CDC42SE1: variants seen among roughly 807,000 people sequenced by gnomAD.
CDC42SE1 encodes CDC42 small effector 1.
A neutral mutation model predicts 10.9 loss-of-function variants in CDC42SE1; 10 were observed. The ratio of observed to expected loss-of-function variants is 0.92; its 90% CI spans 0.57 to 1.56. The LOEUF is 1.56. Among genes scored for constraint, CDC42SE1 ranks in the 40% most tolerant of loss-of-function variants. The pLI, the probability that CDC42SE1 is intolerant of heterozygous loss-of-function variation, is 0.00. For missense variants in CDC42SE1, 81 were observed against 100.8 expected, an observed-to-expected ratio of 0.80 and a Z score of 0.84; for synonymous variants, 24 against 32.0, an observed-to-expected ratio of 0.75 and a Z score of 0.85.
intron 1 of CDC42SE1, chr1:151,056,624 G>GC (rs1676282745): frequency 5.0e-5 from 3 of 59,640 alleles, no homozygotes; most frequent in Non-Finnish European, 7.9e-5. Flanking sequence ...CCTCCCAGAA[G>GC]CCAGTCAGCA....
In CDC42SE1 at chr1:151,057,696, AACACACACACACACACACACAC is replaced by A. The variant is rs57815937; in HGVS notation, c.-263-1725_-263-1704del. ...GGACAAGACCCTGTCTCAAATACAA[AACACACACACACACACACACAC>A]ACACACACACACACACACACAGAGG... is the stretch of plus-strand genomic sequence containing the variant. On this transcript the variant is annotated intron_variant, in intron 1 of 4. Transcript: ENST00000357235. This position sits in a 1 kb window ranked among gnomAD's most constrained non-coding sequence, Gnocchi z 4.0. The A allele has an allele frequency of 2.2e-5, 3 of 138,492 alleles. No individual in the cohort carries two copies. Among genetic ancestry groups the A allele is most frequent in the South Asian group, 2.2e-4 (1 of 4,448 alleles). 8.6% of individuals were successfully genotyped at this position (138,492 alleles called of 1,614,324 possible).
Position 151,055,056 on chromosome 1 carries a change from A to C in CDC42SE1, c.125T>G (p.Ile42Ser), listed in dbSNP as rs374961798. ...TCCGGCCCCCATCTCCCCTGAGCCA[A>C]TGTGAGTCAGGTGAACAAAATTCAT... Reference protein sequence around the residue: ...EPMNFVHLTHIGSGEMGAGDG... With the variant: ...EPMNFVHLTHSGSGEMGAGDG... Residue 42 changes from isoleucine (I) to serine (S), a missense_variant, in exon 3 of 5, where the codon ATT becomes AGT. By Grantham distance (142) the Ile-to-Ser change is moderately radical. Coordinates refer to ENST00000357235, the MANE Select transcript of CDC42SE1 (RefSeq NM_020239.4). 6.2e-7 allele frequency: 1 copy of C among 1,613,830 alleles called. No individual in the cohort carries two copies. Among genetic ancestry groups the C allele is most frequent in the Non-Finnish European group, 8.5e-7 (1 of 1,179,942 alleles).
chr1:151,055,835 C>A lies in CDC42SE1; in HGVS notation c.-105G>T. 1 of 926,254 alleles carries A rather than the reference C, an allele frequency of 1.1e-6. No homozygotes were observed. 57.4% of individuals were successfully genotyped at this position (926,254 alleles called of 1,614,324 possible). Reference sequence around the variant, plus strand: ...TCACTCTCCCCAGATACACCACCACCCTGGGTTCACTCAGCTGGATGGGTC... The same window carrying A: ...TCACTCTCCCCAGATACACCACCACACTGGGTTCACTCAGCTGGATGGGTC... On this transcript the variant is annotated 5_prime_UTR_variant, in exon 2 of 5. Transcript: ENST00000357235.
At position 151,054,219 on chromosome 1, in the gene CDC42SE1, C is replaced by A; in HGVS notation, c.*16+12G>T. 1 of 1,553,168 alleles carries A rather than the reference C, an allele frequency of 6.4e-7. No homozygotes were observed. Among genetic ancestry groups the A allele is most frequent in the South Asian group, 1.1e-5 (1 of 89,862 alleles). On this transcript the variant is annotated intron_variant, in intron 4 of 4. Coordinates refer to ENST00000357235, the MANE Select transcript of CDC42SE1 (RefSeq NM_020239.4). Reference sequence around the variant, plus strand: ...GGGCTGAGGTGTTAGATGGGTTTCTCTAATCACTCACCATTCCATTATTGG... The same window carrying A: ...GGGCTGAGGTGTTAGATGGGTTTCTATAATCACTCACCATTCCATTATTGG...
At position 151,057,743 on chromosome 1, in the gene CDC42SE1, GTTTTT is replaced by G. The variant is rs1191560670; in HGVS notation, c.-264+1731_-264+1735del. The G allele has an allele frequency of 7.9e-6, 1 of 126,248 alleles. No homozygotes were observed. Among genetic ancestry groups the G allele is most frequent in the African/African-American group, 3.0e-5 (1 of 33,570 alleles). 7.8% of individuals were successfully genotyped at this position (126,248 alleles called of 1,614,324 possible). A position where few individuals can be genotyped will look rare whatever the true frequency, so the allele number is the denominator to read the frequency against. ...CACACACACACACACACACACAGAG[GTTTTT>G]TTTTTTTTTAACAGCCTTGAGATGA... On this transcript the variant is annotated intron_variant, in intron 1 of 4. Transcript: ENST00000357235. The surrounding 1 kb of genome is among the most constrained non-coding windows in gnomAD (Gnocchi z 4.0).
Position 151,057,757 on chromosome 1 carries a change from T to TA in CDC42SE1, c.-264+1721dup, listed in dbSNP as rs1676312939. ...CACACACAGAGGTTTTTTTTTTTTT[T>TA]AACAGCCTTGAGATGAGATCACACA... On this transcript the variant is annotated intron_variant, in intron 1 of 4. Coordinates refer to ENST00000357235, the MANE Select transcript of CDC42SE1 (RefSeq NM_020239.4). The surrounding 1 kb of genome is among the most constrained non-coding windows in gnomAD (Gnocchi z 4.0). 1 of 151,284 alleles carries TA rather than the reference T, an allele frequency of 6.6e-6. No homozygotes were observed. The highest frequency in any genetic ancestry group is 1.5e-5 in the Non-Finnish European group (1 of 68,104). 9.4% of individuals were successfully genotyped at this position (151,284 alleles called of 1,614,324 possible).
rs760747428 is a variant in CDC42SE1 at position 151,055,755 on chromosome 1, T to C, written c.-25A>G. ...TGTTCCCTGATGGTTCCAGCTTCAC[T>C]CCGCTGTCTGAGGCCCCAAAGGGCT... is the stretch of plus-strand genomic sequence containing the variant. On this transcript the variant is annotated 5_prime_UTR_variant, in exon 2 of 5. Coordinates refer to ENST00000357235, the MANE Select transcript of CDC42SE1 (RefSeq NM_020239.4). The C allele has an allele frequency of 6.2e-7, 1 of 1,605,240 alleles. No homozygotes were observed. Among genetic ancestry groups the C allele is most frequent in the South Asian group, 1.1e-5 (1 of 90,366 alleles).
In CDC42SE1 at chr1:151,053,269, G is replaced by C. The variant is rs941578615; in HGVS notation, c.*75C>G. The C allele has an allele frequency of 6.5e-6, 1 of 152,690 alleles. No homozygotes were observed. Among genetic ancestry groups the C allele is most frequent in the Non-Finnish European group, 1.5e-5 (1 of 68,098 alleles). The allele number at this position is 152,690 out of a possible 1,614,324, so 9.5% of individuals were successfully genotyped here. ...AGATCACTGGTTCAAGGAGGGATCT[G>C]GTAGGGGCAGCATTTCTTCTGGGCT... On this transcript the variant is annotated 3_prime_UTR_variant, in exon 5 of 5. Transcript: ENST00000357235.
Position 151,054,230 on chromosome 1 carries a change from C to T in CDC42SE1, c.*16+1G>A, listed in dbSNP as rs769189563. The T allele has an allele frequency of 6.3e-7, 1 of 1,591,814 alleles. No homozygotes were observed. Among genetic ancestry groups the T allele is most frequent in the Non-Finnish European group, 8.6e-7 (1 of 1,160,030 alleles). ...TTAGATGGGTTTCTCTAATCACTCA[C>T]CATTCCATTATTGGAGCTATAAGCC... On this transcript the variant is annotated splice_donor_variant, in intron 4 of 4. Coordinates refer to ENST00000357235, the MANE Select transcript of CDC42SE1 (RefSeq NM_020239.4). LOFTEE classifies it low-confidence loss of function (3UTR_SPLICE).
rs1676190397 is a variant in CDC42SE1, at chr1:151,051,943, G to C, written c.*1401C>G. 1 of 152,572 alleles carries C rather than the reference G, an allele frequency of 6.6e-6. No homozygotes were observed. Among genetic ancestry groups the C allele is most frequent in the Non-Finnish European group, 1.5e-5 (1 of 68,070 alleles). The allele number at this position is 152,572 out of a possible 1,614,324, so 9.5% of individuals were successfully genotyped here. A position where few individuals can be genotyped will look rare whatever the true frequency, so the allele number is the denominator to read the frequency against. On this transcript the variant is annotated 3_prime_UTR_variant, in exon 5 of 5. Coordinates refer to ENST00000357235, the MANE Select transcript of CDC42SE1 (RefSeq NM_020239.4). ...GGGGACCTGTCCATCATAGCAACAT[G>C]CAAACACAAGCAAAACACTGAATAA...
rs1416627492 is a variant in CDC42SE1 at position 151,057,694 on chromosome 1, AAAACACAC to A, written c.-263-1709_-263-1702del. 5.4e-4 allele frequency: 48 copies of A among 88,214 alleles called. No homozygotes were observed. The highest frequency in any genetic ancestry group is 2.2e-3 in the African/African-American group (47 of 21,752). 5.5% of individuals were successfully genotyped at this position (88,214 alleles called of 1,614,324 possible). A position where few individuals can be genotyped will look rare whatever the true frequency, so the allele number is the denominator to read the frequency against. ...CAGGACAAGACCCTGTCTCAAATAC[AAAACACAC>A]ACACACACACACACACACACACACA... On this transcript the variant is annotated intron_variant, in intron 1 of 4. Coordinates refer to ENST00000357235, the MANE Select transcript of CDC42SE1 (RefSeq NM_020239.4). The surrounding 1 kb of genome is among the most constrained non-coding windows in gnomAD (Gnocchi z 4.0).
At chr1:151,058,260 G>A (rs78432543) in intron 1 of CDC42SE1, 2 of 152,386 alleles carry the variant, frequency 1.3e-5, no homozygotes, top group Admixed American at 1.3e-4. Flanking sequence ...CAATGATGAC[G>A]AGAAGTGACC....
In CDC42SE1 at chr1:151,057,429, A is replaced by G. The variant is rs970339625; in HGVS notation, c.-263-1436T>C. ...TCCCAGCTACTTGGGAGGCTGAGGC[A>G]GGAGAATCGCTTGAACCGGAGATTG... On this transcript the variant is annotated intron_variant, in intron 1 of 4. Transcript: ENST00000357235. This position sits in a 1 kb window ranked among gnomAD's most constrained non-coding sequence, Gnocchi z 4.0. Among the ~76,000 whole-genome samples, 2 of 152,214 alleles carry G rather than the reference A, an allele frequency of 1.3e-5. No individual in the cohort carries two copies. The highest frequency in any genetic ancestry group is 2.9e-5 in the Non-Finnish European group (2 of 68,022).
chr1:151,057,655 T>C lies in CDC42SE1; in HGVS notation c.-263-1662A>G. 1 of 149,800 alleles carries C rather than the reference T, an allele frequency of 6.7e-6. No individual in the cohort carries two copies. Among genetic ancestry groups the C allele is most frequent in the Non-Finnish European group, 1.5e-5 (1 of 67,990 alleles). 9.3% of individuals were successfully genotyped at this position (149,800 alleles called of 1,614,324 possible). ...GTGAGCCATGTTTGCACCCCTGCAC[T>C]CCAGCCTGGGTGACAGGACAAGACC... On this transcript the variant is annotated intron_variant, in intron 1 of 4. Transcript: ENST00000357235. This position sits in a 1 kb window ranked among gnomAD's most constrained non-coding sequence, Gnocchi z 4.0.
At position 151,052,118 on chromosome 1, in the gene CDC42SE1, T is replaced by A. The variant is rs1383489283; in HGVS notation, c.*1226A>T. 6.6e-6 allele frequency: 1 copy of A among 151,802 alleles called. No homozygotes were observed. Among genetic ancestry groups the A allele is most frequent in the South Asian group, 2.1e-4 (1 of 4,816 alleles). 9.4% of individuals were successfully genotyped at this position (151,802 alleles called of 1,614,324 possible). A position where few individuals can be genotyped will look rare whatever the true frequency, so the allele number is the denominator to read the frequency against. The stretch of plus-strand genomic sequence containing the variant: ...AGAGAAAAATATCTTGACTTTAGAG[T>A]TGTGGTTCTCAAATGGAGGCGATTT... On this transcript the variant is annotated 3_prime_UTR_variant, in exon 5 of 5. Transcript: ENST00000357235.
chr1:151,053,569 C>T (rs941538880), intron 4 of CDC42SE1, among the ~76,000 whole-genome samples: 1 of 152,062 alleles, frequency 6.6e-6, no homozygotes, highest in Non-Finnish European at 1.5e-5. Context: ...GCAACCTCCA[C>T]CTCCCGAGTT....
At position 151,052,965 on chromosome 1, in the gene CDC42SE1, C is replaced by A. The variant is rs1191438929; in HGVS notation, c.*379G>T. ...CTTTGATAATCTCACCCACCTACCC[C>A]ATTTAAGGAGTTCCAGGTTTAAGAG... On this transcript the variant is annotated 3_prime_UTR_variant, in exon 5 of 5. Transcript: ENST00000357235. 1.3e-5 allele frequency: 2 copies of A among 152,362 alleles called. No homozygotes were observed. The highest frequency in any genetic ancestry group is 4.8e-5 in the African/African-American group (2 of 41,458). The allele number at this position is 152,362 out of a possible 1,614,324, so 9.4% of individuals were successfully genotyped here.
At chr1:151,055,616 A>G in intron 2 of CDC42SE1, 61 bp downstream of exon 2, 1 of 1,351,956 alleles carries the variant, frequency 7.4e-7, no homozygotes, top group Non-Finnish European at 1.1e-6. Flanking sequence ...TGGTGTGGCT[A>G]CCTCACAGCA....
chr1:151,055,799 C>T lies in CDC42SE1; in HGVS notation c.-69G>A. ...AAGGGCTCTTTCCCTGGTGTTTGGA[C>T]AACCCACTCCTCACTCTCCCCAGAT... On this transcript the variant is annotated 5_prime_UTR_variant, in exon 2 of 5. Transcript: ENST00000357235. The T allele has an allele frequency of 2.3e-6, 3 of 1,297,766 alleles. No individual in the cohort carries two copies. The highest frequency in any genetic ancestry group is 3.3e-6 in the Non-Finnish European group (3 of 904,630). 80.4% of individuals were successfully genotyped at this position (1,297,766 alleles called of 1,614,324 possible).
Sources: allele counts gnomAD v4.1 joint callset (sites outside exome capture counted in the v4.1 genomes callset), GRCh38; gene constraint gnomAD v4.1.1; non-coding constraint Gnocchi (gnomAD v3.1); transcripts MANE v1.5; gene names NCBI Gene and HGNC (gene_info 2026-07-23, HGNC 2026-07-21).